Variants in MICAL3 observed in about 807,000 individuals in gnomAD.
The protein encoded by MICAL3 is microtubule associated monooxygenase, calponin and LIM domain containing 3.
MICAL3 carries 62 observed loss-of-function variants against 207.4 expected under a neutral mutation model. That is an observed-to-expected ratio of 0.30 (90% CI 0.24 to 0.37). The LOEUF is 0.37. Ranked by LOEUF, MICAL3 falls within the 10% of genes least tolerant of loss-of-function variation. The pLI, the probability that MICAL3 is intolerant of heterozygous loss-of-function variation, is 1.00. For missense variants in MICAL3, 2,368 were observed against 2,635.6 expected, an observed-to-expected ratio of 0.90 and a Z score of 2.22; for synonymous variants, 1,077 against 1,069.3, an observed-to-expected ratio of 1.01 and a Z score of -0.14.
At chr22:17,846,456 T>C (rs1473418130) in intron 19 of MICAL3, among the ~76,000 whole-genome samples, 1 of 151,930 alleles carries the variant, frequency 6.6e-6, no homozygotes, top group Non-Finnish European at 1.5e-5. Context: ...TTCTCTGTCC[T>C]GAGCAAGGGG....
At chr22:17,851,144 C>A (rs192446457) in intron 19 of MICAL3, among the ~76,000 whole-genome samples, 1 of 152,158 alleles carries the variant, frequency 6.6e-6, no homozygotes, top group African/African-American at 2.4e-5. Flanking sequence ...AGCGGTTATG[C>A]GCTGGGATTT....
chr22:17,851,136 C>T (rs2160760), intron 19 of MICAL3, among the ~76,000 whole-genome samples: 31,022 of 152,134 alleles, frequency 0.2, 3,324 homozygotes, highest in Middle Eastern at 0.28. Flanking sequence ...GAAAGGGTAG[C>T]GGTTATGCGC....
chr22:17,912,227 T>C (rs1020417900), intron 1 of MICAL3, among the ~76,000 whole-genome samples: 9 of 152,220 alleles, frequency 5.9e-5, no homozygotes, highest in African/African-American at 1.7e-4. Context: ...CACACTGTTT[T>C]GATTAGTATA....
At chr22:17,992,660 C>A (rs1364967810) in intron 1 of MICAL3, among the ~76,000 whole-genome samples, 3 of 152,156 alleles carry the variant, frequency 2.0e-5, no homozygotes, top group Non-Finnish European at 4.4e-5. Context: ...TTGTTTGTAT[C>A]CCCACCCCTC....
chr22:17,812,741 G>A (rs74516286), intron 27 of MICAL3: 1,899 of 167,782 alleles, frequency 0.011, 41 homozygotes, highest in African/African-American at 0.043. Flanking sequence ...AGGAATCTGG[G>A]TGTGAAGATC....
chr22:17,842,105 C>T (rs1244919907), intron 19 of MICAL3, 88 bp from the exon 20 acceptor site: 13 of 1,308,286 alleles, frequency 9.9e-6, no homozygotes, highest in Middle Eastern at 2.2e-4. Context: ...TGCAGGCCCT[C>T]CTGCCAGAAT....
chr22:17,937,481 T>C (rs945202052), intron 1 of MICAL3, among the ~76,000 whole-genome samples: 3 of 152,080 alleles, frequency 2.0e-5, no homozygotes, highest in East Asian at 1.9e-4. Context: ...CTGACCAACA[T>C]GGAGAAACGC....
At chr22:17,997,002 C>T (rs989917992) in intron 1 of MICAL3, among the ~76,000 whole-genome samples, 4 of 151,222 alleles carry the variant, frequency 2.6e-5, no homozygotes, top group Non-Finnish European at 4.4e-5. Flanking sequence ...GTCCACAAAC[C>T]ACTTTGATTC....
chr22:17,943,553 A>G (rs1933909335), intron 1 of MICAL3, among the ~76,000 whole-genome samples: 1 of 152,248 alleles, frequency 6.6e-6, no homozygotes. Flanking sequence ...CGTGAAAAAC[A>G]AAGGCTTTTT....
intron 1 of MICAL3, among the ~76,000 whole-genome samples, chr22:17,945,907 T>G (rs1370475115): frequency 6.6e-6 from 1 of 151,922 alleles, no homozygotes; most frequent in Non-Finnish European, 1.5e-5. Context: ...GGAAGGGCCA[T>G]AGAAACTGAA....
chr22:17,910,386 A>T (rs1932045087), intron 1 of MICAL3, among the ~76,000 whole-genome samples: 1 of 152,200 alleles, frequency 6.6e-6, no homozygotes, highest in South Asian at 2.1e-4. Flanking sequence ...AAACCCCACT[A>T]CAGAGGAACG....
intron 1 of MICAL3, among the ~76,000 whole-genome samples, chr22:17,950,421 C>T (rs565423043): frequency 6.8e-6 from 1 of 146,660 alleles, no homozygotes; most frequent in East Asian, 2.0e-4. Context: ...TTCACTGCAA[C>T]CTCCGCCTCC....
In MICAL3 at chr22:17,827,430, A is replaced by G. The variant is rs182496027; in HGVS notation, c.3193+214T>C. Among the ~76,000 whole-genome samples the G allele has an allele frequency of 1.4e-4, 21 of 152,344 alleles. No homozygotes were observed. In the East Asian group the frequency reaches 3.7e-3, roughly 27 times the overall value. On this transcript the variant is annotated intron_variant, in intron 22 of 31. Transcript: ENST00000441493. ...TTTACCATTTTGCATCAATGGAGAA[A>G]GAGTCCACAACCTCTTAATCCACAG...
intron 1 of MICAL3, among the ~76,000 whole-genome samples, chr22:17,936,416 G>A (rs1933531174): frequency 6.6e-6 from 1 of 152,014 alleles, no homozygotes; most frequent in Non-Finnish European, 1.5e-5. Context: ...CACACACCAG[G>A]GCCTGTCGTG....
intron 27 of MICAL3, chr22:17,815,731 G>A (rs12170625): frequency 0.023 from 3,505 of 152,540 alleles, 141 homozygotes; most frequent in African/African-American, 0.079. Context: ...CAAGGGAGAC[G>A]AATGCACCAA....
intron 11 of MICAL3, among the ~76,000 whole-genome samples, chr22:17,892,205 G>A (rs1076112): frequency 9.3e-4 from 141 of 152,318 alleles, no homozygotes; most frequent in Non-Finnish European, 1.5e-3. Context: ...GACAGTCCCC[G>A]AACAGAGCTT....
chr22:17,995,296 C>T (rs1922145236), intron 1 of MICAL3, among the ~76,000 whole-genome samples: 1 of 151,966 alleles, frequency 6.6e-6, no homozygotes, highest in Admixed American at 6.6e-5. Flanking sequence ...CCCACCTCAG[C>T]CTTCTGAGCA....
In MICAL3 at chr22:17,889,675, C is replaced by T. The variant is rs537063614; in HGVS notation, c.1695-445G>A. Among the ~76,000 whole-genome samples, 4 of 152,190 alleles carry T rather than the reference C, an allele frequency of 2.6e-5. 1 individual carries two copies. The East Asian group carries it at 7.7e-4, about 29-fold the overall frequency. ...ATTAAAAATTAGCTAGGCATGGCGGCATATGCCTACAGTCCTAGCTACTTG... is the reference window on the plus strand; with the variant it reads ...ATTAAAAATTAGCTAGGCATGGCGGTATATGCCTACAGTCCTAGCTACTTG... On this transcript the variant is annotated intron_variant, in intron 12 of 31. Transcript: ENST00000441493.
chr22:17,967,475 CACACACACACA>C (rs1296680300), intron 1 of MICAL3, among the ~76,000 whole-genome samples: 2 of 131,538 alleles, frequency 1.5e-5, no homozygotes, highest in African/African-American at 5.8e-5. Context: ...CACACACACA[CACACACACACA>C]CACACACCCA....
Sources: allele counts gnomAD v4.1 joint callset (sites outside exome capture counted in the v4.1 genomes callset), GRCh38; gene constraint gnomAD v4.1.1; transcripts MANE v1.5; gene names NCBI Gene and HGNC (gene_info 2026-07-23, HGNC 2026-07-21).